TTC17: variants seen among roughly 807,000 people sequenced by gnomAD.
TTC17 encodes tetratricopeptide repeat protein 17.
A neutral mutation model predicts 143.8 loss-of-function variants in TTC17; 58 were observed. The ratio of observed to expected loss-of-function variants is 0.40; its 90% CI spans 0.33 to 0.50. TTC17 has a LOEUF of 0.50. TTC17 is among the 20% of genes least tolerant of loss of function. TTC17 has a pLI of 0.49. For synonymous variants in TTC17, 501 were observed against 497.8 expected, an observed-to-expected ratio of 1.01 and a Z score of -0.09; for missense variants, 1,273 against 1,392.5, an observed-to-expected ratio of 0.91 and a Z score of 1.37.
intron 10 of TTC17, 117 bp from the exon 11 acceptor site, chr11:43,403,881 A>G: frequency 2.5e-6 from 2 of 790,204 alleles, no homozygotes; most frequent in South Asian, 2.0e-5. Context: ...TTACTGAGCT[A>G]CTTTCTGATT....
rs140620404 is a variant in TTC17 at position 43,376,007 on chromosome 11, G to T, written c.160-3226G>T. 8.4e-4 allele frequency among the ~76,000 whole-genome samples: 128 copies of T among 152,186 alleles called. 1 individual carries two copies. The highest frequency in any genetic ancestry group is 3.0e-3 in the African/African-American group (125 of 41,546). On this transcript the variant is annotated intron_variant, in intron 1 of 23. Coordinates refer to ENST00000039989, the MANE Select transcript of TTC17 (RefSeq NM_018259.6). ...CAAATAACATGAACATAATTTGATA[G>T]GAGTAAAATATTTACTCATGTTATA...
chr11:43,377,303 T>C (rs1244746260), intron 1 of TTC17, among the ~76,000 whole-genome samples: 2 of 151,510 alleles, frequency 1.3e-5, no homozygotes, highest in African/African-American at 4.8e-5. Context: ...AAAAAAAAAA[T>C]ATAGTATTAT....
intron 8 of TTC17, among the ~76,000 whole-genome samples, chr11:43,399,161 A>G (rs927695294): frequency 3.3e-5 from 5 of 152,218 alleles, no homozygotes; most frequent in East Asian, 1.9e-4. Context: ...TATGAAAGCA[A>G]AGTACTGTGG....
At chr11:43,439,436 A>G (rs1326170571) in intron 16 of TTC17, among the ~76,000 whole-genome samples, 1 of 150,716 alleles carries the variant, frequency 6.6e-6, no homozygotes, top group Admixed American at 6.6e-5. Context: ...CAACAGGACT[A>G]CATATGCATA....
intron 18 of TTC17, among the ~76,000 whole-genome samples, chr11:43,446,993 GTC>G (rs745578194): frequency 1.3e-5 from 2 of 152,150 alleles, no homozygotes; most frequent in Non-Finnish European, 2.9e-5. Context: ...GTCTCTCTGA[GTC>G]TCTGTTTTCT....
intron 1 of TTC17, among the ~76,000 whole-genome samples, chr11:43,374,172 G>A (rs1016404274): frequency 6.6e-6 from 1 of 152,130 alleles, no homozygotes; most frequent in Non-Finnish European, 1.5e-5. Context: ...ATTTTTGTGG[G>A]AAAGCACTCC....
chr11:43,457,024 A>G (rs1232393751), intron 21 of TTC17, among the ~76,000 whole-genome samples: 1 of 152,056 alleles, frequency 6.6e-6, no homozygotes, highest in African/African-American at 2.4e-5. Flanking sequence ...TACTACTTGG[A>G]TGGGAGACTG....
chr11:43,494,203 A>C lies in TTC17; in HGVS notation c.*299A>C. The C allele has an allele frequency of 4.5e-6, 1 of 220,514 alleles. No homozygotes were observed. Among genetic ancestry groups the C allele is most frequent in the Non-Finnish European group, 9.0e-6 (1 of 111,480 alleles). 13.7% of individuals were successfully genotyped at this position (220,514 alleles called of 1,614,324 possible). ...TTCTGGAGCTGTGCTCTGTCTCCAAAAACCTCAATGCCTTTAGGGCTTTTC... is the reference window on the plus strand; with the variant it reads ...TTCTGGAGCTGTGCTCTGTCTCCAACAACCTCAATGCCTTTAGGGCTTTTC... On this transcript the variant is annotated 3_prime_UTR_variant, in exon 24 of 24. Transcript: ENST00000039989.
rs570046386 is a variant in TTC17, at chr11:43,412,895, CTCAG to C, written c.2065-1691_2065-1688del. On this transcript the variant is annotated intron_variant, in intron 15 of 23. Transcript: ENST00000039989. ...AATCAATTTATAGATTCAATTCAAT[CTCAG>C]TCAAACACCTAGTAATTGCATATAT... 3.4e-3 allele frequency among the ~76,000 whole-genome samples: 514 copies of C among 151,984 alleles called. 3 individuals are homozygous for C. The highest frequency in any genetic ancestry group is 0.012 in the African/African-American group (480 of 41,450).
At chr11:43,492,220 G>T in intron 23 of TTC17, 57 bp downstream of exon 23, 2 of 1,559,086 alleles carry the variant, frequency 1.3e-6, no homozygotes, top group South Asian at 2.4e-5. Context: ...GCACATCTTT[G>T]ATTTCAAAAC....
intron 21 of TTC17, among the ~76,000 whole-genome samples, chr11:43,481,721 C>T (rs1948291038): frequency 6.6e-6 from 1 of 152,056 alleles, no homozygotes; most frequent in Non-Finnish European, 1.5e-5. Flanking sequence ...GTAATGGACC[C>T]TCTCTTAATC....
At chr11:43,450,889 A>T (rs560428096) in intron 20 of TTC17, among the ~76,000 whole-genome samples, 2 of 152,330 alleles carry the variant, frequency 1.3e-5, no homozygotes, top group African/African-American at 2.4e-5. Context: ...ATATGTCTTT[A>T]CATGTCTGAA....
At chr11:43,469,404 A>G (rs1948045868) in intron 21 of TTC17, among the ~76,000 whole-genome samples, 1 of 152,180 alleles carries the variant, frequency 6.6e-6, no homozygotes, top group South Asian at 2.1e-4. Flanking sequence ...ACCACAAAAT[A>G]CTTGGAAAAA....
chr11:43,474,809 T>A (rs1369418282), intron 21 of TTC17, among the ~76,000 whole-genome samples: 1 of 152,154 alleles, frequency 6.6e-6, no homozygotes, highest in African/African-American at 2.4e-5. Context: ...TATATATGTA[T>A]TTTATATTGT....
At chr11:43,387,826 G>A (rs377599510) in intron 2 of TTC17, among the ~76,000 whole-genome samples, 24 of 152,300 alleles carry the variant, frequency 1.6e-4, no homozygotes, top group African/African-American at 4.8e-4. Flanking sequence ...AGGAGGGGCA[G>A]GATATTAGTG....
chr11:43,364,097 C>A (rs986810628), intron 1 of TTC17, among the ~76,000 whole-genome samples: 1 of 138,734 alleles, frequency 7.2e-6, no homozygotes. Context: ...ACTCTTATCA[C>A]CCAGGCTGGA....
chr11:43,474,465 C>T (rs1948148948), intron 21 of TTC17, among the ~76,000 whole-genome samples: 1 of 152,080 alleles, frequency 6.6e-6, no homozygotes, highest in African/African-American at 2.4e-5. Context: ...CTTGAATCTA[C>T]ATTATTTTTT....
chr11:43,367,828 A>G (rs1590306084), intron 1 of TTC17, among the ~76,000 whole-genome samples: 1 of 151,592 alleles, frequency 6.6e-6, no homozygotes, highest in Admixed American at 6.6e-5. Context: ...GCCCCCTCCA[A>G]TTCATCCTTC....
intron 22 of TTC17, chr11:43,491,760 A>G (rs1948478144): frequency 2.2e-6 from 1 of 458,290 alleles, no homozygotes; most frequent in African/African-American, 2.0e-5. Context: ...ATTATTCAGC[A>G]GATTGTTTAC....
Sources: allele counts gnomAD v4.1 joint callset (sites outside exome capture counted in the v4.1 genomes callset), GRCh38; gene constraint gnomAD v4.1.1; transcripts MANE v1.5; gene names NCBI Gene and HGNC (gene_info 2026-07-23, HGNC 2026-07-21).